EPDR1: variants seen among roughly 807,000 people sequenced by gnomAD.
The protein encoded by EPDR1 is ependymin related 1.
In EPDR1, 27 loss-of-function variants were observed where a neutral mutation model predicts 23.7. The ratio of observed to expected loss-of-function variants is 1.14; its 90% CI spans 0.84 to 1.57. The LOEUF (loss-of-function observed/expected upper bound fraction) is 1.57, where lower values mean the gene tolerates loss of function less well. Ranked by LOEUF, EPDR1 falls within the 40% of genes most tolerant of loss-of-function variation. The pLI, the probability that EPDR1 is intolerant of heterozygous loss-of-function variation, is 0.00. For synonymous variants in EPDR1, 137 were observed against 118.2 expected (o/e 1.16, Z -1.03); for missense variants, 349 against 290.4 (o/e 1.20, Z -1.47).
At chr7:37,921,367 T>G in intron 1 of EPDR1, 159 bp downstream of exon 1, 1 of 1,413,540 alleles carries the variant, frequency 7.1e-7, no homozygotes, top group South Asian at 1.5e-5. Context: ...GGGGATAGCA[T>G]GGTCCGGGAC....
chr7:37,945,797 G>A lies in EPDR1; in HGVS notation c.270-3043G>A, dbSNP rs111629410. 3.4e-3 allele frequency among the ~76,000 whole-genome samples: 519 copies of A among 152,228 alleles called. 5 individuals are homozygous for A. Among genetic ancestry groups the A allele is most frequent in the African/African-American group, 0.012 (500 of 41,534 alleles). On this transcript the variant is annotated intron_variant, in intron 1 of 2. Transcript: ENST00000199448. ...GTTACACAAGTGAACGTGTGCCATG[G>A]TATCTTGCTGCACGGATCATCCCAT...
At chr7:37,939,585 T>C (rs2598102) in intron 1 of EPDR1, among the ~76,000 whole-genome samples, 51,393 of 152,076 alleles carry the variant, frequency 0.34, 8,858 homozygotes, top group South Asian at 0.46. Flanking sequence ...AACTAGATCC[T>C]GTTTAGGCAT....
At chr7:37,944,275 T>C (rs1786228951) in intron 1 of EPDR1, among the ~76,000 whole-genome samples, 5 of 152,182 alleles carry the variant, frequency 3.3e-5, no homozygotes, top group Admixed American at 2.0e-4. Context: ...GAAAATAGCC[T>C]CCCTCAGCTT....
chr7:37,920,892 G>C lies in EPDR1; in HGVS notation c.-48G>C, dbSNP rs936620825. The C allele has an allele frequency of 6.2e-7, 1 of 1,611,344 alleles. No individual in the cohort carries two copies. The highest frequency in any genetic ancestry group is 8.5e-7 in the Non-Finnish European group (1 of 1,179,222). ...CCACTCTGATCCCGGACGCCTCAGC[G>C]CCCCCTTGGGCTTGGGCTTGCCCTC... On this transcript the variant is annotated 5_prime_UTR_variant, in exon 1 of 3. Transcript: ENST00000199448.
chr7:37,931,275 A>G (rs375168689), intron 1 of EPDR1, among the ~76,000 whole-genome samples: 1 of 152,270 alleles, frequency 6.6e-6, no homozygotes, highest in African/African-American at 2.4e-5. Context: ...GCACTTTGGG[A>G]GGCCGAGGCG....
chr7:37,936,912 C>T (rs1002864173), intron 1 of EPDR1, among the ~76,000 whole-genome samples: 4 of 152,010 alleles, frequency 2.6e-5, no homozygotes, highest in Admixed American at 1.3e-4. Flanking sequence ...TAAGTTGATG[C>T]TAAATTTCAT....
At position 37,920,731 on chromosome 7, in the gene EPDR1, GC is replaced by G; in HGVS notation, c.-207del. On this transcript the variant is annotated 5_prime_UTR_variant, in exon 1 of 3. Transcript: ENST00000199448. The stretch of plus-strand genomic sequence containing the variant: ...AATAGCTCCCGCGCGATTCACTGGA[GC>G]CTTCCCCGGGCCCTGGTCCCGGCTA... 1 of 1,608,788 alleles carries G rather than the reference GC, an allele frequency of 6.2e-7. No individual in the cohort carries two copies. Among genetic ancestry groups the G allele is most frequent in the Non-Finnish European group, 8.5e-7 (1 of 1,177,216 alleles).
In EPDR1 at chr7:37,921,152, G is replaced by T; in HGVS notation, c.213G>T (p.Gly71=). The change falls in exon 1 of 3, where the codon GGG becomes GGT. Residue 71 remains glycine, a synonymous_variant. Transcript: ENST00000199448. Reference sequence around the variant, plus strand: ...GCCGCGCCCTGCTCTCCTACGACGGGCTCAACCAGCGCGTGCGGGTGCTGG... The same window carrying T: ...GCCGCGCCCTGCTCTCCTACGACGGTCTCAACCAGCGCGTGCGGGTGCTGG... ...RNSRALLSYD[G]LNQRVRVLDE... 1 of 1,596,008 alleles carries T rather than the reference G, an allele frequency of 6.3e-7. No individual in the cohort carries two copies. The highest frequency in any genetic ancestry group is 8.5e-7 in the Non-Finnish European group (1 of 1,178,786).
Position 37,950,660 on chromosome 7 carries a change from G to A in EPDR1, c.*264G>A. 4.6e-6 allele frequency: 2 copies of A among 437,338 alleles called. No individual in the cohort carries two copies. The highest frequency in any genetic ancestry group is 8.2e-6 in the Non-Finnish European group (2 of 244,110). The allele number at this position is 437,338 out of a possible 1,614,324, so 27.1% of individuals were successfully genotyped here. On this transcript the variant is annotated 3_prime_UTR_variant, in exon 3 of 3. Coordinates refer to ENST00000199448, the MANE Select transcript of EPDR1 (RefSeq NM_017549.5). Reference sequence around the variant, plus strand: ...TTTGGGTATTTCTAATGCCTGTTCAGGGCTGGTTTTCTGCATGCACGGGTA... The same window carrying A: ...TTTGGGTATTTCTAATGCCTGTTCAAGGCTGGTTTTCTGCATGCACGGGTA...
chr7:37,950,470 G>A lies in EPDR1; in HGVS notation c.*74G>A. ...CCAGCTGGAGATGGATATGAGACTA[G>A]TCAAGATGTGAATGCTAATTGGAGA... On this transcript the variant is annotated 3_prime_UTR_variant, in exon 3 of 3. Transcript: ENST00000199448. The A allele has an allele frequency of 7.7e-7, 1 of 1,291,952 alleles. No homozygotes were observed. Among genetic ancestry groups the A allele is most frequent in the Non-Finnish European group, 1.1e-6 (1 of 945,054 alleles). The allele number at this position is 1,291,952 out of a possible 1,614,324, so 80.0% of individuals were successfully genotyped here.
chr7:37,926,417 A>G (rs917553296), intron 1 of EPDR1, among the ~76,000 whole-genome samples: 4 of 145,694 alleles, frequency 2.7e-5, no homozygotes, highest in African/African-American at 5.0e-5. Context: ...GTTCATTTTG[A>G]CCATCTGAAA....
chr7:37,924,745 T>C (rs1319658729), intron 1 of EPDR1, among the ~76,000 whole-genome samples: 1 of 152,274 alleles, frequency 6.6e-6, no homozygotes, highest in Non-Finnish European at 1.5e-5. Context: ...GAATGTTTAA[T>C]GCATAAACAC....
Position 37,950,948 on chromosome 7 carries a change from C to T in EPDR1, c.*552C>T, listed in dbSNP as rs530065984. The T allele has an allele frequency of 1.3e-5, 2 of 152,158 alleles. No individual in the cohort carries two copies. Among genetic ancestry groups the T allele is most frequent in the Non-Finnish European group, 2.9e-5 (2 of 68,066 alleles). 9.4% of individuals were successfully genotyped at this position (152,158 alleles called of 1,614,324 possible). ...TGCCAAAAAAATGATAACTTAAATC[C>T]CTTCCAGACTTAAGAATTTTATGGC... On this transcript the variant is annotated 3_prime_UTR_variant, in exon 3 of 3. Transcript: ENST00000199448.
At chr7:37,928,297 G>T (rs1430824445) in intron 1 of EPDR1, among the ~76,000 whole-genome samples, 1 of 151,634 alleles carries the variant, frequency 6.6e-6, no homozygotes, top group South Asian at 2.1e-4. Context: ...TTAGTGGTTT[G>T]TTTTTCCTGG....
chr7:37,944,504 G>A (rs998648400), intron 1 of EPDR1, among the ~76,000 whole-genome samples: 10 of 152,182 alleles, frequency 6.6e-5, no homozygotes, highest in Non-Finnish European at 1.2e-4. Flanking sequence ...AGACATACCT[G>A]AGACTGGGTA....
intron 1 of EPDR1, among the ~76,000 whole-genome samples, chr7:37,934,976 A>G: frequency 6.6e-6 from 1 of 152,224 alleles, no homozygotes; most frequent in East Asian, 1.9e-4. Context: ...CAATAAAAAT[A>G]ATACAAATCA....
In EPDR1 at chr7:37,942,782, T is replaced by TA. The variant is rs34246695; in HGVS notation, c.270-6049dup. On this transcript the variant is annotated intron_variant, in intron 1 of 2. Coordinates refer to ENST00000199448, the MANE Select transcript of EPDR1 (RefSeq NM_017549.5). Reference sequence around the variant, plus strand: ...TATATTGATCATGAATCTGTTTTACTAAAAAAAAACTATTTTCAAAAGCAA... The same window carrying TA: ...TATATTGATCATGAATCTGTTTTACTAAAAAAAAAACTATTTTCAAAAGCAA... 6.1e-3 allele frequency among the ~76,000 whole-genome samples: 922 copies of TA among 151,498 alleles called. 3 individuals carry two copies. Among genetic ancestry groups the TA allele is most frequent in the Non-Finnish European group, 0.01 (695 of 67,812 alleles).
At chr7:37,949,480 T>C (rs1464774863) in intron 2 of EPDR1, among the ~76,000 whole-genome samples, 1 of 152,206 alleles carries the variant, frequency 6.6e-6, no homozygotes, top group Non-Finnish European at 1.5e-5. Flanking sequence ...TTCTCTGCCC[T>C]GCTGCTGATA....
chr7:37,944,985 C>T (rs886387090), intron 1 of EPDR1, among the ~76,000 whole-genome samples: 1 of 152,210 alleles, frequency 6.6e-6, no homozygotes, highest in Non-Finnish European at 1.5e-5. Flanking sequence ...GGGGAAAGCA[C>T]AAGATATTGC....
Sources: allele counts gnomAD v4.1 joint callset (sites outside exome capture counted in the v4.1 genomes callset), GRCh38; gene constraint gnomAD v4.1.1; transcripts MANE v1.5; gene names NCBI Gene and HGNC (gene_info 2026-07-23, HGNC 2026-07-21).